The following ZNF804B variants were observed in gnomAD, a reference collection of about 807,000 sequenced individuals.
ZNF804B encodes the protein zinc finger protein 804B.
Under a neutral mutation model 101.4 loss-of-function variants are expected in ZNF804B, and 80 were observed. The ratio of observed to expected loss-of-function variants is 0.79; its 90% CI spans 0.66 to 0.95. ZNF804B has a LOEUF of 0.95. ZNF804B is among the 40% of genes least tolerant of loss of function. The pLI, the probability that ZNF804B is intolerant of heterozygous loss-of-function variation, is 0.00. For synonymous variants in ZNF804B, 622 were observed against 558.8 expected, an observed-to-expected ratio of 1.11 and a Z score of -1.59; for missense variants, 1,673 against 1,561.9, an observed-to-expected ratio of 1.07 and a Z score of -1.20.
intron 2 of ZNF804B, among the ~76,000 whole-genome samples, chr7:89,296,342 T>C (rs1562939714): frequency 1.3e-5 from 2 of 152,082 alleles, no homozygotes; most frequent in Non-Finnish European, 2.9e-5. Flanking sequence ...GTTTGACCTC[T>C]TTATTTTCAT....
intron 1 of ZNF804B, among the ~76,000 whole-genome samples, chr7:88,783,743 C>G (rs186477626): frequency 6.6e-6 from 1 of 151,928 alleles, no homozygotes; most frequent in African/African-American, 2.4e-5. Flanking sequence ...AAACATGATA[C>G]GTTAGTTTAT....
chr7:88,794,467 T>C (rs1790441132), intron 1 of ZNF804B: 1 of 1,613,806 alleles, frequency 6.2e-7, no homozygotes, highest in Non-Finnish European at 8.5e-7. Context: ...TGTCACATCG[T>C]CGAGATACAT....
At chr7:88,979,020 T>C (rs2116128401) in intron 1 of ZNF804B, among the ~76,000 whole-genome samples, 1 of 152,044 alleles carries the variant, frequency 6.6e-6, no homozygotes, top group South Asian at 2.1e-4. Context: ...ACAACACTGA[T>C]TGCAAAAACA....
At chr7:88,846,847 G>A (rs1489713616) in intron 1 of ZNF804B, among the ~76,000 whole-genome samples, 2 of 150,872 alleles carry the variant, frequency 1.3e-5, no homozygotes, top group Non-Finnish European at 3.0e-5. Flanking sequence ...ATATGTTGTT[G>A]TATATGTATA....
At chr7:89,167,466 T>G (rs1047054615) in intron 1 of ZNF804B, among the ~76,000 whole-genome samples, 3 of 151,788 alleles carry the variant, frequency 2.0e-5, no homozygotes, top group African/African-American at 7.3e-5. Flanking sequence ...AATAAATAAA[T>G]AAATAATCCC....
At chr7:89,029,574 G>A (rs1788801221) in intron 1 of ZNF804B, among the ~76,000 whole-genome samples, 2 of 152,064 alleles carry the variant, frequency 1.3e-5, no homozygotes, top group Admixed American at 6.6e-5. Context: ...CAATATAACT[G>A]TACTCAACTC....
rs1025627656 is a variant in ZNF804B, at chr7:89,300,811, C to T, written c.250-26533C>T. Among the ~76,000 whole-genome samples, 6 of 151,782 alleles carry T rather than the reference C, an allele frequency of 4.0e-5. No homozygotes were observed. The Admixed American group carries it at 4.0e-4, about 10-fold the overall frequency. On this transcript the variant is annotated intron_variant, in intron 2 of 3. Coordinates refer to ENST00000333190, the MANE Select transcript of ZNF804B (RefSeq NM_181646.5). ...GCTTTAATCAGGCAAAAGGCTTAAT[C>T]TGAAAAAAGTTTTGAAGAGATTGCT...
chr7:89,236,398 A>G (rs2115752013), intron 2 of ZNF804B, among the ~76,000 whole-genome samples: 1 of 152,280 alleles, frequency 6.6e-6, no homozygotes, highest in East Asian at 1.9e-4. Context: ...GAAAATTACA[A>G]AATTCCCCAT....
At chr7:89,174,747 G>A (rs1584032989) in intron 1 of ZNF804B, among the ~76,000 whole-genome samples, 1 of 151,768 alleles carries the variant, frequency 6.6e-6, no homozygotes, top group Non-Finnish European at 1.5e-5. Flanking sequence ...CCATATCTTT[G>A]CCAACATTTG....
At chr7:88,843,516 T>A (rs921140329) in intron 1 of ZNF804B, among the ~76,000 whole-genome samples, 1 of 152,042 alleles carries the variant, frequency 6.6e-6, no homozygotes, top group African/African-American at 2.4e-5. Flanking sequence ...GATGGGCAGA[T>A]CACAAGGTCA....
At chr7:88,798,896 C>G (rs1448617664) in intron 1 of ZNF804B, among the ~76,000 whole-genome samples, 2 of 152,028 alleles carry the variant, frequency 1.3e-5, no homozygotes, top group Admixed American at 1.3e-4. Context: ...ATCTGTCTGT[C>G]TACGTATCTG....
intron 1 of ZNF804B, among the ~76,000 whole-genome samples, chr7:88,775,208 T>A (rs1790123821): frequency 6.6e-6 from 1 of 152,218 alleles, no homozygotes; most frequent in South Asian, 2.1e-4. Flanking sequence ...AGTCCTAGAA[T>A]TGGGTAAGAC....
chr7:88,795,112 T>G (rs10281609), intron 1 of ZNF804B: 73,180 of 496,276 alleles, frequency 0.15, 5,754 homozygotes, highest in African/African-American at 0.21. Context: ...ATCCCAATCT[T>G]TTGCCAGTTT....
chr7:89,010,435 G>T (rs1277447721), intron 1 of ZNF804B, among the ~76,000 whole-genome samples: 1 of 152,090 alleles, frequency 6.6e-6, no homozygotes, highest in South Asian at 2.1e-4. Flanking sequence ...TAGTAGAGAG[G>T]TTCTCTCTTT....
chr7:88,880,000 C>T (rs1583994362), intron 1 of ZNF804B, among the ~76,000 whole-genome samples: 1 of 151,652 alleles, frequency 6.6e-6, no homozygotes, highest in African/African-American at 2.4e-5. Flanking sequence ...GATCGTGCCA[C>T]TGCACTCTAG....
chr7:89,279,945 C>T (rs1165911059), intron 2 of ZNF804B, among the ~76,000 whole-genome samples: 2 of 152,164 alleles, frequency 1.3e-5, no homozygotes, highest in East Asian at 1.9e-4. Context: ...CCCAAATCAA[C>T]AGAATATACA....
At chr7:89,155,926 TG>T (rs1391042970) in intron 1 of ZNF804B, among the ~76,000 whole-genome samples, 1 of 151,194 alleles carries the variant, frequency 6.6e-6, no homozygotes, top group African/African-American at 2.4e-5. Flanking sequence ...TTCTTTCCCT[TG>T]CTTTCCCTTT....
chr7:88,844,752 A>G (rs1190195551), intron 1 of ZNF804B, among the ~76,000 whole-genome samples: 1 of 152,170 alleles, frequency 6.6e-6, no homozygotes, highest in African/African-American at 2.4e-5. Flanking sequence ...TGGAGGCTGT[A>G]TATTTTTAAT....
In ZNF804B at chr7:89,333,416, A is replaced by G. The variant is rs1331131029; in HGVS notation, c.434A>G (p.Gln145Arg). The change falls in exon 4 of 4, where the codon CAA becomes CGA. Residue 145 changes from glutamine (Q) to arginine (R), a missense_variant. By Grantham distance (43) the Gln-to-Arg change is conservative. Transcript: ENST00000333190. ...YKAPRVAIEK[Q>R]LQQGIFPIKN... ...GCCCCCAGGGTAGCCATAGAAAAGC[A>G]ACTCCAGCAAGGAATTTTCCCCATT... 6.2e-7 allele frequency: 1 copy of G among 1,612,582 alleles called. No homozygotes were observed. The highest frequency in any genetic ancestry group is 1.7e-5 in the Admixed American group (1 of 59,756).
Sources: allele counts gnomAD v4.1 joint callset (sites outside exome capture counted in the v4.1 genomes callset), GRCh38; gene constraint gnomAD v4.1.1; transcripts MANE v1.5; gene names NCBI Gene and HGNC (gene_info 2026-07-23, HGNC 2026-07-21).